Variants in MVK observed in about 807,000 individuals in gnomAD.
The protein encoded by MVK is LH receptor mRNA-binding protein.
A neutral mutation model predicts 43.2 loss-of-function variants in MVK; 34 were observed. The ratio of observed to expected loss-of-function variants is 0.79; its 90% CI spans 0.60 to 1.05. MVK has a LOEUF of 1.05. Among genes scored for constraint, MVK ranks in the 50% least tolerant of loss-of-function variants. The pLI is 0.00. For synonymous variants in MVK, 190 were observed against 219.8 expected (o/e 0.86, Z 1.20); for missense variants, 395 against 504.0 (o/e 0.78, Z 2.07).
chr12:109,574,939 T>A (rs1318477013), intron 2 of MVK, 39 bp downstream of exon 2: 2 of 1,562,656 alleles, frequency 1.3e-6, no homozygotes, highest in East Asian at 4.6e-5. Context: ...TGGGTACCCC[T>A]TCTCCCTGAT....
At chr12:109,588,757 G>C (rs571805173) in intron 7 of MVK, 12 of 152,416 alleles carry the variant, frequency 7.9e-5, no homozygotes, top group African/African-American at 2.9e-4. Context: ...GCTGAGTACT[G>C]GGGCCTCCGC....
intron 5 of MVK, among the ~76,000 whole-genome samples, chr12:109,583,036 T>A (rs900664156): frequency 1.3e-5 from 2 of 151,908 alleles, no homozygotes; most frequent in Non-Finnish European, 2.9e-5. Flanking sequence ...TTTGTTTTTT[T>A]AACTATATTA....
chr12:109,580,082 A>T, intron 4 of MVK, 136 bp downstream of exon 4: 3 of 1,317,196 alleles, frequency 2.3e-6, no homozygotes, highest in Non-Finnish European at 3.2e-6. Flanking sequence ...ATCATGTGCC[A>T]GGCACCCTGC....
At chr12:109,573,618 TC>T, upstream of MVK, 1 of 1,018,594 alleles carries the variant, frequency 9.8e-7, no homozygotes, top group Non-Finnish European at 1.5e-6. Context: ...GGCGGGACAC[TC>T]CCAGGGACTT....
chr12:109,585,298 G>T (rs546644881), intron 5 of MVK, among the ~76,000 whole-genome samples: 243 of 152,280 alleles, frequency 1.6e-3, no homozygotes, highest in African/African-American at 5.6e-3. Context: ...TTAAAGGCAG[G>T]CTTGGTTCAG....
Position 109,594,969 on chromosome 12 carries a change from G to A in MVK, c.886-59G>A, listed in dbSNP as rs2136253146. The A allele has an allele frequency of 8.7e-6, 14 of 1,607,640 alleles. No individual in the cohort carries two copies. The South Asian group carries it at 1.4e-4, about 16-fold the overall frequency. Reference sequence around the variant, plus strand: ...GATGGACGAGGCAGGCTCAGGGGTGGGCATAGGACCTTGGCCTCAGGCAGG... The same window carrying A: ...GATGGACGAGGCAGGCTCAGGGGTGAGCATAGGACCTTGGCCTCAGGCAGG... On this transcript the variant is annotated intron_variant, in intron 9 of 10. Transcript: ENST00000228510.
intron 4 of MVK, 42 bp downstream of exon 4, chr12:109,579,988 C>T: frequency 1.2e-6 from 2 of 1,613,560 alleles, no homozygotes; most frequent in Non-Finnish European, 1.7e-6. Context: ...TTCAGCCTCC[C>T]ATGGAGAAAA....
chr12:109,583,319 A>G (rs1193730072), intron 5 of MVK, among the ~76,000 whole-genome samples: 7 of 151,722 alleles, frequency 4.6e-5, no homozygotes, highest in African/African-American at 7.3e-5. Context: ...TCATTGTTCA[A>G]TTCCCACCTA....
At position 109,575,005 on chromosome 12, in the gene MVK, A is replaced by G. The variant is rs1884872092; in HGVS notation, c.78+105A>G. 3.5e-6 allele frequency: 4 copies of G among 1,140,176 alleles called. No individual in the cohort carries two copies. In the Admixed American group the frequency reaches 6.0e-5, roughly 17 times the overall value. 70.6% of individuals were successfully genotyped at this position (1,140,176 alleles called of 1,614,324 possible). A position where few individuals can be genotyped will look rare whatever the true frequency, so the allele number is the denominator to read the frequency against. On this transcript the variant is annotated intron_variant, in intron 2 of 10. Coordinates refer to ENST00000228510, the MANE Select transcript of MVK (RefSeq NM_000431.4). Reference sequence around the variant, plus strand: ...CTGAGGCACAGCTTGGGAGCAGATCAGAGAGATCAGGTTCTCCCCAGCCAG... The same window carrying G: ...CTGAGGCACAGCTTGGGAGCAGATCGGAGAGATCAGGTTCTCCCCAGCCAG...
At chr12:109,573,789 C>G (rs551699474), upstream of MVK, 168 of 405,288 alleles carry the variant, frequency 4.1e-4, 1 homozygote, top group African/African-American at 3.2e-3. Flanking sequence ...CCTTGAGGCA[C>G]GGGCGCTCTG....
At chr12:109,581,870 C>T (rs1885233136) in intron 5 of MVK, among the ~76,000 whole-genome samples, 1 of 152,328 alleles carries the variant, frequency 6.6e-6, no homozygotes. Context: ...TAGAGGGCAG[C>T]AGGTTAGATG....
intron 5 of MVK, 35 bp downstream of exon 5, chr12:109,581,585 C>A: frequency 1.9e-6 from 3 of 1,613,966 alleles, no homozygotes; most frequent in South Asian, 2.2e-5. Flanking sequence ...GTGTCCCTCC[C>A]GCACGGCAGG....
At chr12:109,574,973 G>T in intron 2 of MVK, 73 bp downstream of exon 2, 1 of 1,447,552 alleles carries the variant, frequency 6.9e-7, no homozygotes, top group Non-Finnish European at 9.5e-7. Flanking sequence ...GAAGGTAAAA[G>T]GACACCCTGA....
At chr12:109,596,220 T>A (rs1210614603) in intron 10 of MVK, among the ~76,000 whole-genome samples, 3 of 152,224 alleles carry the variant, frequency 2.0e-5, no homozygotes, top group African/African-American at 7.2e-5. Context: ...TTTTAACTCT[T>A]GCTCCCTAAA....
chr12:109,578,779 A>C (rs923857960), intron 3 of MVK, among the ~76,000 whole-genome samples: 2 of 152,210 alleles, frequency 1.3e-5, no homozygotes, highest in African/African-American at 2.4e-5. Context: ...ACGCATGCCC[A>C]ATTCCATTTC....
chr12:109,589,178 C>T (rs1048840263), intron 7 of MVK: 1 of 152,270 alleles, frequency 6.6e-6, no homozygotes, highest in African/African-American at 2.4e-5. Context: ...CCAGGCTTAC[C>T]CCCTGCGTGG....
chr12:109,587,141 G>A (rs573967254), intron 7 of MVK: 297 of 342,620 alleles, frequency 8.7e-4, no homozygotes, highest in African/African-American at 5.6e-3. Context: ...GCACTGGGGC[G>A]TAGGAATGGA....
intron 9 of MVK, among the ~76,000 whole-genome samples, chr12:109,594,529 GAGA>G (rs2136252122): frequency 6.6e-6 from 1 of 152,360 alleles, no homozygotes; most frequent in Admixed American, 6.5e-5. Context: ...GCTCTCAACT[GAGA>G]AGACCAGAGG....
Position 109,595,040 on chromosome 12 carries a change from A to G in MVK, c.898A>G (p.Met300Val). The G allele has an allele frequency of 1.2e-6, 2 of 1,614,204 alleles. No homozygotes were observed. The highest frequency in any genetic ancestry group is 1.7e-6 in the Non-Finnish European group (2 of 1,180,012). ...QYLVLEELID[M>V]NQHHLNALGV... ...CCTTCTCCCCTAGGAGCTCATTGAC[A>G]TGAACCAGCACCATCTGAATGCCCT... The change falls in exon 10 of 11, where the codon ATG (methionine) becomes GTG (valine). Residue 300 changes from methionine to valine, a missense_variant. Met to Val is a conservative substitution (Grantham distance 21). Coordinates refer to ENST00000228510, the MANE Select transcript of MVK (RefSeq NM_000431.4). This position sits in a 1 kb window ranked among gnomAD's most constrained non-coding sequence, Gnocchi z 5.9.
Sources: gnomAD v4.1 joint callset for allele counts (sites outside exome capture counted in the v4.1 genomes callset) on GRCh38, gnomAD v4.1.1 for gene constraint, Gnocchi (gnomAD v3.1) non-coding constraint, MANE v1.5 for transcripts, NCBI Gene and HGNC (gene_info 2026-07-23, HGNC 2026-07-21) for gene names.